RCAN2: variants seen among roughly 807,000 people sequenced by gnomAD.
RCAN2 encodes the protein calcipressin-2.
A neutral mutation model predicts 23.6 loss-of-function variants in RCAN2; 9 were observed. The observed-to-expected ratio is 0.38, with a 90% CI of 0.23 to 0.67. The LOEUF is 0.67. Among genes scored for constraint, RCAN2 ranks in the 30% least tolerant of loss-of-function variants. The pLI is 0.51. For synonymous variants in RCAN2, 109 were observed against 115.7 expected, an observed-to-expected ratio of 0.94 and a Z score of 0.37; for missense variants, 273 against 302.3, an observed-to-expected ratio of 0.90 and a Z score of 0.72.
At chr6:46,325,682 G>C (rs1763774303) in intron 2 of RCAN2, 2 of 1,371,654 alleles carry the variant, frequency 1.5e-6, no homozygotes, top group Non-Finnish European at 1.9e-6. Flanking sequence ...CGAACGGCCC[G>C]GCTCGCTCAT....
intron 2 of RCAN2, among the ~76,000 whole-genome samples, chr6:46,405,282 C>T (rs1013786868): frequency 7.2e-5 from 11 of 152,092 alleles, no homozygotes; most frequent in African/African-American, 2.4e-4. Flanking sequence ...ACCCAAAGAG[C>T]GATCAGCAGC....
At chr6:46,477,380 T>C (rs1561921576) in intron 1 of RCAN2, among the ~76,000 whole-genome samples, 2 of 152,166 alleles carry the variant, frequency 1.3e-5, no homozygotes, top group South Asian at 4.1e-4. Context: ...GGGTAACACA[T>C]AAAAGCTAGA....
chr6:46,288,212 G>C (rs111783332), intron 2 of RCAN2, among the ~76,000 whole-genome samples: 2 of 152,164 alleles, frequency 1.3e-5, no homozygotes, highest in African/African-American at 4.8e-5. Context: ...GAAGGCTGTT[G>C]GGAAGACCTA....
chr6:46,324,233 T>C (rs1277739619), intron 2 of RCAN2, among the ~76,000 whole-genome samples: 2 of 152,244 alleles, frequency 1.3e-5, no homozygotes, highest in African/African-American at 4.8e-5. Flanking sequence ...GTGGTAGACA[T>C]TTCCATGGCA....
intron 4 of RCAN2, among the ~76,000 whole-genome samples, chr6:46,231,564 C>T (rs938152426): frequency 3.3e-5 from 5 of 152,050 alleles, no homozygotes; most frequent in African/African-American, 7.2e-5. Context: ...TGCACGCCAC[C>T]GTGCCTGGCT....
intron 2 of RCAN2, among the ~76,000 whole-genome samples, chr6:46,368,301 G>A (rs1275914797): frequency 6.6e-6 from 1 of 152,188 alleles, no homozygotes; most frequent in East Asian, 1.9e-4. Context: ...GTGCTTTACT[G>A]TTGCACTCTA....
intron 2 of RCAN2, among the ~76,000 whole-genome samples, chr6:46,454,846 T>C (rs575666684): frequency 1.3e-5 from 2 of 152,338 alleles, no homozygotes; most frequent in East Asian, 3.9e-4. Context: ...CAGACTCCCA[T>C]GAACTCCCCC....
chr6:46,392,542 G>A (rs575806138), intron 2 of RCAN2, among the ~76,000 whole-genome samples: 3 of 152,252 alleles, frequency 2.0e-5, no homozygotes, highest in Admixed American at 1.3e-4. Context: ...ACTTAATGGA[G>A]GATGGGGAAG....
chr6:46,420,608 A>T (rs1444708272), intron 2 of RCAN2, among the ~76,000 whole-genome samples: 1 of 149,238 alleles, frequency 6.7e-6, no homozygotes, highest in East Asian at 2.0e-4. Context: ...GCAATGGTGC[A>T]ATCTCGGCTC....
At chr6:46,438,078 T>C (rs1767423284) in intron 2 of RCAN2, among the ~76,000 whole-genome samples, 1 of 152,106 alleles carries the variant, frequency 6.6e-6, no homozygotes, top group African/African-American at 2.4e-5. Context: ...AGGCCATTCT[T>C]TCCCTGTCAC....
At chr6:46,408,923 C>T (rs1766480747) in intron 2 of RCAN2, among the ~76,000 whole-genome samples, 1 of 151,950 alleles carries the variant, frequency 6.6e-6, no homozygotes, top group Admixed American at 6.6e-5. Context: ...AAGGAAAGGC[C>T]AGTCATTAAA....
chr6:46,252,664 G>T (rs1040025653), intron 2 of RCAN2, among the ~76,000 whole-genome samples: 17 of 152,182 alleles, frequency 1.1e-4, no homozygotes, highest in African/African-American at 3.1e-4. Flanking sequence ...AAAAATAACT[G>T]TTTTCCAAAA....
intron 2 of RCAN2, among the ~76,000 whole-genome samples, chr6:46,359,602 G>A (rs1408904391): frequency 6.6e-6 from 1 of 152,004 alleles, no homozygotes; most frequent in African/African-American, 2.4e-5. Context: ...TCATTTTTCT[G>A]GGCCTATATA....
rs370107091 is a variant in RCAN2, at chr6:46,463,627, T to A, written c.-2-6649A>T. On this transcript the variant is annotated intron_variant, in intron 1 of 4. Transcript: ENST00000371374. ...ATAAGAAAAGAGACATCTGTTTATC[T>A]CTGGGATTAAACATACTCAAGAAAG... Among the ~76,000 whole-genome samples, 10 of 152,326 alleles carry A rather than the reference T, an allele frequency of 6.6e-5. No individual in the cohort carries two copies. The East Asian group carries it at 1.3e-3, about 21-fold the overall frequency.
intron 2 of RCAN2, among the ~76,000 whole-genome samples, chr6:46,312,496 G>A (rs1013486571): frequency 1.3e-5 from 2 of 152,150 alleles, no homozygotes. Context: ...CCCAGGGCAG[G>A]AACCAGGGTT....
rs550912149 is a variant in RCAN2, at chr6:46,465,604, C to T, written c.-2-8626G>A. 2.0e-5 allele frequency among the ~76,000 whole-genome samples: 3 copies of T among 152,268 alleles called. No homozygotes were observed. The East Asian group carries it at 5.8e-4, about 29-fold the overall frequency. Reference sequence around the variant, plus strand: ...CACATCTTTCACTGCAGGATGTAGTCAATCTACAGTAGTGCTACAAAGAGA... The same window carrying T: ...CACATCTTTCACTGCAGGATGTAGTTAATCTACAGTAGTGCTACAAAGAGA... On this transcript the variant is annotated intron_variant, in intron 1 of 4. Coordinates refer to ENST00000371374, the MANE Select transcript of RCAN2 (RefSeq NM_001251974.2).
chr6:46,317,205 A>G (rs1405247820), intron 2 of RCAN2, among the ~76,000 whole-genome samples: 1 of 152,206 alleles, frequency 6.6e-6, no homozygotes, highest in East Asian at 1.9e-4. Context: ...CCCAAACTAG[A>G]TGGCATAATT....
intron 2 of RCAN2, among the ~76,000 whole-genome samples, chr6:46,406,131 C>G (rs1280782523): frequency 6.6e-6 from 1 of 152,198 alleles, no homozygotes; most frequent in African/African-American, 2.4e-5. Context: ...AGCCCCGGTT[C>G]CTGCTCGCGC....
chr6:46,352,796 G>A (rs1403447942), intron 2 of RCAN2, among the ~76,000 whole-genome samples: 3 of 152,136 alleles, frequency 2.0e-5, no homozygotes, highest in Non-Finnish European at 4.4e-5. Flanking sequence ...CACTGTAAAG[G>A]AAGAAGATAC....
Sources: gnomAD v4.1 joint callset for allele counts (sites outside exome capture counted in the v4.1 genomes callset) on GRCh38, gnomAD v4.1.1 for gene constraint, MANE v1.5 for transcripts, NCBI Gene and HGNC (gene_info 2026-07-23, HGNC 2026-07-21) for gene names.